DPP6: variants seen among roughly 807,000 people sequenced by gnomAD.
The protein encoded by DPP6 is dipeptidyl peptidase like 6, also known as A-type potassium channel modulatory protein DPP6.
Under a neutral mutation model 122.6 loss-of-function variants are expected in DPP6, and 69 were observed. That is an observed-to-expected ratio of 0.56 (90% confidence interval 0.46 to 0.69). The LOEUF (loss-of-function observed/expected upper bound fraction) is 0.69, where lower values mean the gene tolerates loss of function less well. DPP6 is among the 30% of genes least tolerant of loss of function. DPP6 has a pLI of 0.00. For synonymous variants in DPP6, 418 were observed against 433.1 expected (o/e 0.97, Z 0.43); for missense variants, 928 against 1,116.9 (o/e 0.83, Z 2.41).
At chr7:154,166,872 C>T (rs1363216582) in intron 1 of DPP6, among the ~76,000 whole-genome samples, 2 of 148,606 alleles carry the variant, frequency 1.3e-5, no homozygotes, top group Non-Finnish European at 3.0e-5. Context: ...GATTGCATCA[C>T]TACACTCTAG....
At chr7:154,597,301 G>T (rs771026114) in intron 5 of DPP6, among the ~76,000 whole-genome samples, 1 of 152,076 alleles carries the variant, frequency 6.6e-6, no homozygotes, top group Non-Finnish European at 1.5e-5. Context: ...AATGCCTAAT[G>T]AGTTAGAATT....
Position 154,885,444 on chromosome 7 carries a change from T to C in DPP6, c.2134-189T>C, listed in dbSNP as rs572934428. The C allele has an allele frequency of 9.6e-6, 7 of 727,398 alleles. No individual in the cohort carries two copies. In the South Asian group the frequency reaches 1.2e-4, roughly 12 times the overall value. 45.1% of individuals were successfully genotyped at this position (727,398 alleles called of 1,614,324 possible). ...GGAGAAGGCGCACGTCGCATAATGC[T>C]GAGTTGGAAGGGAGTTTGCTTTTCA... On this transcript the variant is annotated intron_variant, in intron 21 of 25. Transcript: ENST00000377770.
At chr7:154,517,336 T>C (rs373309527) in intron 3 of DPP6, among the ~76,000 whole-genome samples, 2 of 152,100 alleles carry the variant, frequency 1.3e-5, no homozygotes, top group Admixed American at 6.5e-5. Flanking sequence ...GCGATTCTGC[T>C]TGGAGAAGGA....
chr7:154,097,123 C>T lies in DPP6; in HGVS notation c.243+44060C>T, dbSNP rs573992571. 4.9e-4 allele frequency among the ~76,000 whole-genome samples: 75 copies of T among 152,322 alleles called. 1 individual carries two copies. The South Asian group carries it at 0.014, about 29-fold the overall frequency. ...CCCCTTGCTGGCCTCCTAGCAGTCT[C>T]GTCAGTTTTTCCTGCAATGTGAGTC... On this transcript the variant is annotated intron_variant, in intron 1 of 25. Coordinates refer to ENST00000377770, the MANE Select transcript of DPP6 (RefSeq NM_130797.4).
chr7:154,599,583 CAT>C (rs2130770155), intron 5 of DPP6, among the ~76,000 whole-genome samples: 1 of 151,684 alleles, frequency 6.6e-6, no homozygotes, highest in East Asian at 2.0e-4. Context: ...CATATGTATA[CAT>C]GTTACATATG....
the DPP6 span, among the ~76,000 whole-genome samples, chr7:153,803,625 C>T: frequency 6.6e-6 from 1 of 151,686 alleles, no homozygotes; most frequent in African/African-American, 2.4e-5. Flanking sequence ...ACTTCTCAGC[C>T]TCCTAATCAT....
chr7:154,625,708 C>T (rs971914280), intron 5 of DPP6, among the ~76,000 whole-genome samples: 2 of 152,204 alleles, frequency 1.3e-5, no homozygotes, highest in Non-Finnish European at 2.9e-5. Context: ...CAAGCTGCTG[C>T]GGGCAGGGTG....
At chr7:154,591,173 A>G (rs1234923879) in intron 5 of DPP6, among the ~76,000 whole-genome samples, 4 of 152,246 alleles carry the variant, frequency 2.6e-5, no homozygotes, top group African/African-American at 7.2e-5. Flanking sequence ...GGAGAGCCCA[A>G]TGGCTAGAAT....
chr7:154,221,151 A>G (rs1585664950), intron 1 of DPP6, among the ~76,000 whole-genome samples: 1 of 151,974 alleles, frequency 6.6e-6, no homozygotes, highest in African/African-American at 2.4e-5. Context: ...TTTTATTGTT[A>G]TTGTTTTAAG....
intron 1 of DPP6, among the ~76,000 whole-genome samples, chr7:154,083,821 G>T (rs1273483959): frequency 6.6e-6 from 1 of 151,584 alleles, no homozygotes; most frequent in Non-Finnish European, 1.5e-5. Flanking sequence ...TTAGCTTCAT[G>T]CATTAAGACA....
chr7:153,899,905 C>G (rs1156880891), intron 1 of DPP6, among the ~76,000 whole-genome samples: 1 of 152,198 alleles, frequency 6.6e-6, no homozygotes, highest in Non-Finnish European at 1.5e-5. Context: ...AATAAAAACT[C>G]TGATGGAATT....
chr7:154,218,537 A>C (rs530135096), intron 1 of DPP6, among the ~76,000 whole-genome samples: 1 of 152,252 alleles, frequency 6.6e-6, no homozygotes, highest in Non-Finnish European at 1.5e-5. Flanking sequence ...ATATTGCTTT[A>C]GTTTCTTAAT....
At chr7:153,813,846 G>A in the DPP6 span, among the ~76,000 whole-genome samples, 1 of 152,024 alleles carries the variant, frequency 6.6e-6, no homozygotes, top group East Asian at 1.9e-4. Context: ...GTCTGTTCAT[G>A]TCCTTCGCCC....
chr7:153,756,698 C>A, the DPP6 span, among the ~76,000 whole-genome samples: 1 of 151,724 alleles, frequency 6.6e-6, no homozygotes, highest in African/African-American at 2.4e-5. Flanking sequence ...TAAATAAATT[C>A]TTTTTATCAC....
intron 1 of DPP6, among the ~76,000 whole-genome samples, chr7:154,181,959 G>A (rs1798112564): frequency 6.6e-6 from 1 of 151,928 alleles, no homozygotes; most frequent in African/African-American, 2.4e-5. Flanking sequence ...TCACCATGTT[G>A]ATCAGGCTGG....
At chr7:153,778,819 A>C in the DPP6 span, among the ~76,000 whole-genome samples, 1 of 150,756 alleles carries the variant, frequency 6.6e-6, no homozygotes, top group Non-Finnish European at 1.5e-5. Flanking sequence ...TAGACCCAGT[A>C]ATTCTATTCC....
intron 2 of DPP6, among the ~76,000 whole-genome samples, chr7:154,449,165 A>G (rs1227963545): frequency 1.3e-5 from 2 of 152,230 alleles, no homozygotes; most frequent in Non-Finnish European, 1.5e-5. Flanking sequence ...TTTGCAAATC[A>G]GGTATCTAGT....
At chr7:154,329,604 A>G (rs1808741969) in intron 1 of DPP6, among the ~76,000 whole-genome samples, 1 of 152,176 alleles carries the variant, frequency 6.6e-6, no homozygotes, top group Admixed American at 6.5e-5. Context: ...AATTAGTTTA[A>G]TCATGGAAGA....
chr7:154,669,262 A>T (rs1232394159), intron 6 of DPP6, 98 bp from the exon 7 acceptor site: 1 of 1,527,344 alleles, frequency 6.5e-7, no homozygotes, highest in Non-Finnish European at 8.9e-7. Context: ...ATGGAAGGAG[A>T]AAGGAGTTAA....
Sources: allele counts gnomAD v4.1 joint callset (sites outside exome capture counted in the v4.1 genomes callset), GRCh38; gene constraint gnomAD v4.1.1; transcripts MANE v1.5; gene names NCBI Gene and HGNC (gene_info 2026-07-23, HGNC 2026-07-21).